KLF12: variants seen among roughly 807,000 people sequenced by gnomAD.
The protein encoded by KLF12 is Krueppel-like factor 12.
In KLF12, 9 loss-of-function variants were observed where a neutral mutation model predicts 37.8. That is an observed-to-expected ratio of 0.24 (90% CI 0.14 to 0.42). The LOEUF (loss-of-function observed/expected upper bound fraction) is 0.42. KLF12 is among the 10% of genes least tolerant of loss of function. The pLI is 1.00. For synonymous variants in KLF12, 208 were observed against 202.1 expected (o/e 1.03, Z -0.25); for missense variants, 411 against 516.0 (o/e 0.80, Z 1.97).
intron 1 of KLF12, among the ~76,000 whole-genome samples, chr13:74,027,036 C>T (rs1049372131): frequency 6.6e-6 from 1 of 151,964 alleles, no homozygotes; most frequent in Non-Finnish European, 1.5e-5. Flanking sequence ...AACAGCAGAG[C>T]AGAAAGAGCC....
the KLF12 span, among the ~76,000 whole-genome samples, chr13:74,158,445 C>T: frequency 3.9e-5 from 6 of 152,090 alleles, no homozygotes; most frequent in Non-Finnish European, 5.9e-5. Flanking sequence ...CAGAAGGCCA[C>T]GGGGATCCTT....
intron 1 of KLF12, among the ~76,000 whole-genome samples, chr13:74,072,154 T>C (rs1440381736): frequency 2.6e-5 from 4 of 151,912 alleles, no homozygotes; most frequent in East Asian, 1.9e-4. Flanking sequence ...TGGCTTCACT[T>C]CAAATTATAT....
chr13:73,978,487 A>T (rs2138160177), intron 2 of KLF12, among the ~76,000 whole-genome samples: 1 of 152,220 alleles, frequency 6.6e-6, no homozygotes, highest in South Asian at 2.1e-4. Flanking sequence ...AGCAACAAGG[A>T]CTCTCACTCA....
intron 4 of KLF12, among the ~76,000 whole-genome samples, chr13:73,818,463 T>C (rs983090801): frequency 1.3e-5 from 2 of 152,212 alleles, no homozygotes; most frequent in Non-Finnish European, 2.9e-5. Context: ...CCTCCCCTCA[T>C]GTAATAGTAG....
At chr13:74,242,237 A>G in the KLF12 span, among the ~76,000 whole-genome samples, 1 of 152,216 alleles carries the variant, frequency 6.6e-6, no homozygotes, top group African/African-American at 2.4e-5. Flanking sequence ...TTTCTTTGAC[A>G]TGTGTATTAG....
chr13:73,966,504 ATC>A (rs1360370544), intron 2 of KLF12, among the ~76,000 whole-genome samples: 7 of 152,166 alleles, frequency 4.6e-5, no homozygotes, highest in Non-Finnish European at 2.9e-5. Flanking sequence ...TGGTCATGAA[ATC>A]TCTGTTCCTT....
the KLF12 span, among the ~76,000 whole-genome samples, chr13:74,143,189 T>C: frequency 6.6e-6 from 1 of 151,932 alleles, no homozygotes; most frequent in African/African-American, 2.4e-5. Context: ...CTTCTCTCTT[T>C]CTCCCTCTTT....
chr13:74,042,972 T>C lies in KLF12; in HGVS notation c.-31-47919A>G, dbSNP rs140998186. Among the ~76,000 whole-genome samples, 211 of 152,234 alleles carry C rather than the reference T, an allele frequency of 1.4e-3. 2 individuals are homozygous for C. Among genetic ancestry groups the C allele is most frequent in the African/African-American group, 4.9e-3 (204 of 41,540 alleles). ...ATAAGGATTCAAGAAAGTAGCAAAG[T>C]TTAGTGGGGATCTTTCACAAGATTA... On this transcript the variant is annotated intron_variant, in intron 1 of 7. Transcript: ENST00000377669.
the KLF12 span, among the ~76,000 whole-genome samples, chr13:74,147,600 A>G: frequency 1.3e-5 from 2 of 152,278 alleles, no homozygotes; most frequent in Non-Finnish European, 2.9e-5. Flanking sequence ...TTTGGGACTT[A>G]CGTACCGCCC....
At chr13:73,763,013 C>T (rs1879668475) in intron 6 of KLF12, among the ~76,000 whole-genome samples, 1 of 152,180 alleles carries the variant, frequency 6.6e-6, no homozygotes, top group Admixed American at 6.6e-5. Context: ...ATCTCCAGGT[C>T]TTTCTATGCG....
intron 1 of KLF12, among the ~76,000 whole-genome samples, chr13:74,095,988 C>T (rs931777240): frequency 2.0e-5 from 3 of 151,830 alleles, no homozygotes; most frequent in Non-Finnish European, 2.9e-5. Flanking sequence ...GTAGTGGTCT[C>T]TCCACCTAGA....
At chr13:74,105,132 G>T (rs899778769) in intron 1 of KLF12, among the ~76,000 whole-genome samples, 7 of 152,096 alleles carry the variant, frequency 4.6e-5, no homozygotes, top group African/African-American at 1.7e-4. Context: ...ATAAAACAGG[G>T]TTTATTGGAT....
At chr13:74,288,294 G>C in the KLF12 span, among the ~76,000 whole-genome samples, 1 of 152,174 alleles carries the variant, frequency 6.6e-6, no homozygotes, top group Non-Finnish European at 1.5e-5. Context: ...CTCTATATCA[G>C]TCCAGCTCAT....
the KLF12 span, among the ~76,000 whole-genome samples, chr13:74,292,376 T>A: frequency 6.6e-6 from 1 of 152,280 alleles, no homozygotes; most frequent in East Asian, 1.9e-4. Context: ...GGGAAGATTG[T>A]GAGAATGAGA....
chr13:74,032,459 T>C (rs1893138709), intron 1 of KLF12, among the ~76,000 whole-genome samples: 1 of 152,160 alleles, frequency 6.6e-6, no homozygotes, highest in Non-Finnish European at 1.5e-5. Context: ...GAACTGTACA[T>C]TTCCAAGCTG....
intron 3 of KLF12, among the ~76,000 whole-genome samples, chr13:73,892,225 C>T (rs1412545747): frequency 6.6e-6 from 1 of 151,994 alleles, no homozygotes; most frequent in Non-Finnish European, 1.5e-5. Context: ...CTGAATGGTA[C>T]TCTGGAATAA....
At chr13:74,278,059 T>C in the KLF12 span, among the ~76,000 whole-genome samples, 1 of 152,342 alleles carries the variant, frequency 6.6e-6, no homozygotes, top group Non-Finnish European at 1.5e-5. Context: ...TGCTGTTCTC[T>C]GGTCCTGATG....
chr13:74,186,705 T>G, the KLF12 span, among the ~76,000 whole-genome samples: 1 of 152,194 alleles, frequency 6.6e-6, no homozygotes, highest in African/African-American at 2.4e-5. Flanking sequence ...TTAAACTACA[T>G]TTTACCTACA....
At chr13:73,795,281 G>A (rs188678633) in intron 5 of KLF12, among the ~76,000 whole-genome samples, 3 of 152,228 alleles carry the variant, frequency 2.0e-5, no homozygotes, top group African/African-American at 7.2e-5. Flanking sequence ...TTACTGTAAT[G>A]CACAAAAAAA....
Sources: gnomAD v4.1 joint callset for allele counts (sites outside exome capture counted in the v4.1 genomes callset) on GRCh38, gnomAD v4.1.1 for gene constraint, MANE v1.5 for transcripts, NCBI Gene and HGNC (gene_info 2026-07-23, HGNC 2026-07-21) for gene names.